THOC7: variants seen among roughly 807,000 people sequenced by gnomAD.
The protein encoded by THOC7 is THO complex subunit 7, also known as NIF3L1-binding protein 1.
Under a neutral mutation model 33.1 loss-of-function variants are expected in THOC7, and 22 were observed. The ratio of observed to expected loss-of-function variants is 0.66; its 90% CI spans 0.47 to 0.95. The LOEUF is 0.95. THOC7 is among the 40% of genes least tolerant of loss of function. The probability of loss-of-function intolerance (pLI) is 0.00; values close to 1 mark genes in which losing one functional copy is unlikely to be tolerated. For missense variants in THOC7, 184 were observed against 245.3 expected (o/e 0.75, Z 1.67); for synonymous variants, 77 against 76.8 (o/e 1.00, Z -0.01).
chr3:63,851,198 A>T (rs1302297459), intron 1 of THOC7, among the ~76,000 whole-genome samples: 1 of 152,210 alleles, frequency 6.6e-6, no homozygotes, highest in African/African-American at 2.4e-5. Context: ...GTCAAGCATC[A>T]AATGGTATGT....
intron 1 of THOC7, among the ~76,000 whole-genome samples, chr3:63,859,721 T>G (rs751708615): frequency 1.3e-5 from 2 of 152,266 alleles, no homozygotes; most frequent in African/African-American, 2.4e-5. Context: ...CACTGCAAAG[T>G]AGCCAGGACC....
chr3:63,836,708 T>C (rs1435534725), intron 4 of THOC7, among the ~76,000 whole-genome samples: 1 of 151,924 alleles, frequency 6.6e-6, no homozygotes, highest in Non-Finnish European at 1.5e-5. Context: ...AAAAGTAAAA[T>C]AAAATAAAAT....
chr3:63,856,127 T>G (rs570296131), intron 1 of THOC7, among the ~76,000 whole-genome samples: 6 of 152,226 alleles, frequency 3.9e-5, no homozygotes, highest in African/African-American at 1.4e-4. Context: ...TAATAGACTA[T>G]ACACACTGAT....
At chr3:63,847,766 CA>C (rs1370917058) in intron 1 of THOC7, among the ~76,000 whole-genome samples, 2 of 152,214 alleles carry the variant, frequency 1.3e-5, no homozygotes, top group East Asian at 3.9e-4. Flanking sequence ...CAAACTCTGA[CA>C]TAACTTTTAG....
intron 1 of THOC7, among the ~76,000 whole-genome samples, chr3:63,856,898 T>C (rs931796027): frequency 6.6e-6 from 1 of 152,136 alleles, no homozygotes; most frequent in African/African-American, 2.4e-5. Context: ...TTTTGTATTT[T>C]TAGTAGAGAC....
At chr3:63,837,500 T>C (rs1039990585) in intron 4 of THOC7, among the ~76,000 whole-genome samples, 3 of 152,044 alleles carry the variant, frequency 2.0e-5, no homozygotes, top group African/African-American at 7.2e-5. Context: ...TATTAGATAT[T>C]CTAGGCAGTC....
At chr3:63,863,273 CG>C (rs1702275627) in intron 1 of THOC7, 1 of 221,492 alleles carries the variant, frequency 4.5e-6, no homozygotes, top group Admixed American at 6.5e-5. Flanking sequence ...AGACGAGTCC[CG>C]AAATTCCCGC....
chr3:63,860,222 T>C (rs754326757), intron 1 of THOC7, among the ~76,000 whole-genome samples: 3 of 151,722 alleles, frequency 2.0e-5, no homozygotes, highest in Non-Finnish European at 2.9e-5. Context: ...TGAAAAATTC[T>C]GTAGTATAGA....
At chr3:63,839,566 G>C (rs1353103641) in intron 2 of THOC7, 90 bp downstream of exon 2, 3 of 1,064,060 alleles carry the variant, frequency 2.8e-6, no homozygotes, top group Non-Finnish European at 4.3e-6. Context: ...TTTAAGGTGA[G>C]TGAAAATTTG....
At chr3:63,853,444 T>C (rs1702055355) in intron 1 of THOC7, among the ~76,000 whole-genome samples, 1 of 152,204 alleles carries the variant, frequency 6.6e-6, no homozygotes, top group African/African-American at 2.4e-5. Flanking sequence ...TGTGTGTGCA[T>C]GTGTGTATAT....
At chr3:63,857,028 T>C (rs1039424499) in intron 1 of THOC7, among the ~76,000 whole-genome samples, 1 of 152,204 alleles carries the variant, frequency 6.6e-6, no homozygotes, top group Non-Finnish European at 1.5e-5. Flanking sequence ...TCATTATAGA[T>C]ATTCTTATCC....
chr3:63,840,186 C>T (rs949789136), intron 1 of THOC7, among the ~76,000 whole-genome samples: 7 of 151,910 alleles, frequency 4.6e-5, no homozygotes, highest in African/African-American at 1.7e-4. Flanking sequence ...CCTGCCCAGA[C>T]AGACAGAACT....
At position 63,837,965 on chromosome 3, in the gene THOC7, A is replaced by C. The variant is rs200510475; in HGVS notation, c.352+11T>G. 95 of 1,605,794 alleles carry C rather than the reference A, an allele frequency of 5.9e-5. No individual in the cohort carries two copies. The African/African-American group carries it at 1.2e-3, about 20-fold the overall frequency. On this transcript the variant is annotated intron_variant, in intron 4 of 7. Transcript: ENST00000295899. ...AATGTATTTGCACATTAAATCCCTC[A>C]AAACCCTTACCTTGGCGATTTTTTC... is the stretch of plus-strand genomic sequence containing the variant.
intron 3 of THOC7, 153 bp from the exon 4 acceptor site, chr3:63,838,215 A>G: frequency 1.1e-6 from 1 of 899,596 alleles, no homozygotes. Context: ...ATATCATCTT[A>G]GAATACACAT....
At chr3:63,858,844 C>T (rs944233829) in intron 1 of THOC7, among the ~76,000 whole-genome samples, 27 of 152,160 alleles carry the variant, frequency 1.8e-4, no homozygotes, top group Admixed American at 3.3e-4. Context: ...TATAACATGA[C>T]AGTAGTGGTG....
intron 1 of THOC7, among the ~76,000 whole-genome samples, chr3:63,856,976 C>A (rs1266188044): frequency 1.3e-5 from 2 of 152,174 alleles, no homozygotes; most frequent in African/African-American, 2.4e-5. Flanking sequence ...CCTCGGCCTC[C>A]CCAAGTGCTG....
At chr3:63,835,297 A>C (rs772674423) in intron 6 of THOC7, 27 bp downstream of exon 6, 1 of 1,613,278 alleles carries the variant, frequency 6.2e-7, no homozygotes, top group South Asian at 1.1e-5. Flanking sequence ...TAGACAGATC[A>C]TGAAGGCTAA....
At chr3:63,856,701 A>AG (rs1702122463) in intron 1 of THOC7, among the ~76,000 whole-genome samples, 1 of 151,022 alleles carries the variant, frequency 6.6e-6, no homozygotes, top group African/African-American at 2.4e-5. Flanking sequence ...AAACACACTT[A>AG]ATCTACACAA....
intron 2 of THOC7, 120 bp downstream of exon 2, chr3:63,839,536 A>C (rs1010682134): frequency 1.2e-6 from 1 of 823,452 alleles, no homozygotes; most frequent in Non-Finnish European, 2.0e-6. Context: ...TGGTTAATTA[A>C]GAGTTGACTC....
Sources: allele counts gnomAD v4.1 joint callset (sites outside exome capture counted in the v4.1 genomes callset), GRCh38; gene constraint gnomAD v4.1.1; transcripts MANE v1.5; gene names NCBI Gene and HGNC (gene_info 2026-07-23, HGNC 2026-07-21).